EXOC2: variants seen among roughly 807,000 people sequenced by gnomAD.
EXOC2 encodes SEC5-like 1.
A neutral mutation model predicts 131.8 loss-of-function variants in EXOC2; 70 were observed. That is an observed-to-expected ratio of 0.53 (90% confidence interval 0.44 to 0.65). The LOEUF (loss-of-function observed/expected upper bound fraction) is 0.65, where lower values mean the gene tolerates loss of function less well. EXOC2 is among the 30% of genes least tolerant of loss of function. The pLI, the probability that EXOC2 is intolerant of heterozygous loss-of-function variation, is 0.00. For missense variants in EXOC2, 923 were observed against 1,108.6 expected, an observed-to-expected ratio of 0.83 and a Z score of 2.38; for synonymous variants, 411 against 398.4, an observed-to-expected ratio of 1.03 and a Z score of -0.38.
At chr6:503,525 G>A (rs1046542365) in intron 23 of EXOC2, among the ~76,000 whole-genome samples, 1 of 152,190 alleles carries the variant, frequency 6.6e-6, no homozygotes, top group African/African-American at 2.4e-5. Context: ...GCATTTGCAA[G>A]CCTGTATCAA....
intron 10 of EXOC2, among the ~76,000 whole-genome samples, chr6:593,376 C>G (rs1283554250): frequency 2.6e-5 from 4 of 152,112 alleles, no homozygotes; most frequent in Non-Finnish European, 4.4e-5. Context: ...GAGGGCTAAC[C>G]GAACTGTGAA....
chr6:507,034 CCA>C (rs774156290), intron 23 of EXOC2, among the ~76,000 whole-genome samples: 5 of 147,938 alleles, frequency 3.4e-5, no homozygotes, highest in African/African-American at 5.0e-5. Context: ...ACAGCAGTGA[CCA>C]CACACACACA....
intron 11 of EXOC2, among the ~76,000 whole-genome samples, chr6:583,297 C>T (rs1317328366): frequency 6.6e-6 from 1 of 152,094 alleles, no homozygotes; most frequent in Non-Finnish European, 1.5e-5. Flanking sequence ...AGGATGGGGA[C>T]AAGTTTAGAC....
intron 1 of EXOC2, chr6:656,424 T>C: frequency 6.8e-6 from 11 of 1,613,986 alleles, no homozygotes; most frequent in Non-Finnish European, 8.5e-6. Context: ...ACTGCCCACG[T>C]TCGCCATCCT....
chr6:636,192 G>A (rs1342308112), intron 2 of EXOC2, among the ~76,000 whole-genome samples: 4 of 152,250 alleles, frequency 2.6e-5, no homozygotes, highest in Non-Finnish European at 5.9e-5. Flanking sequence ...CACAATGACT[G>A]CCAGCGAAAA....
rs1383163811 is a variant in EXOC2 at position 608,626 on chromosome 6, G to A, written c.742+1472C>T. On this transcript the variant is annotated intron_variant, in intron 7 of 27. Coordinates refer to ENST00000230449, the MANE Select transcript of EXOC2 (RefSeq NM_018303.6). ...TTTAATACCCCAAGTCCCAAGGGAC[G>A]ATTTCTCAAACTACTGCTTCAAAGA... is the stretch of plus-strand genomic sequence containing the variant. Among the ~76,000 whole-genome samples the A allele has an allele frequency of 2.0e-5, 3 of 152,064 alleles. No individual in the cohort carries two copies. The East Asian group carries it at 5.8e-4, about 29-fold the overall frequency.
chr6:511,200 C>T lies in EXOC2; in HGVS notation c.2381-11500G>A, dbSNP rs1048573970. ...GATGGTGCAAAATGCCAGGCAGTGC[C>T]GTGCCTGCTGCTGAGCGGGTCCCGC... is the stretch of plus-strand genomic sequence containing the variant. On this transcript the variant is annotated intron_variant, in intron 23 of 27. Coordinates refer to ENST00000230449, the MANE Select transcript of EXOC2 (RefSeq NM_018303.6). 9.2e-5 allele frequency among the ~76,000 whole-genome samples: 14 copies of T among 152,306 alleles called. No individual in the cohort carries two copies. In the East Asian group the frequency reaches 2.1e-3, roughly 23 times the overall value.
intron 25 of EXOC2, among the ~76,000 whole-genome samples, chr6:494,819 T>A (rs1763622257): frequency 6.6e-6 from 1 of 152,182 alleles, no homozygotes; most frequent in Non-Finnish European, 1.5e-5. Flanking sequence ...TATATTAGTT[T>A]ATTTACTGTA....
Position 637,678 on chromosome 6 carries a change from C to T in EXOC2, c.118+23G>A, listed in dbSNP as rs148466151. 7.2e-5 allele frequency: 112 copies of T among 1,564,366 alleles called. 1 individual carries two copies. In the African/African-American group the frequency reaches 9.2e-4, roughly 13 times the overall value. On this transcript the variant is annotated intron_variant, in intron 2 of 27. Coordinates refer to ENST00000230449, the MANE Select transcript of EXOC2 (RefSeq NM_018303.6). ...ACATAAAAATCCGATTAGCAGGGTG[C>T]GTCGCAGGGCCTCTGCCCTTACCTA...
At chr6:544,866 G>C (rs9392639) in intron 22 of EXOC2, among the ~76,000 whole-genome samples, 1 of 152,172 alleles carries the variant, frequency 6.6e-6, no homozygotes, top group South Asian at 2.1e-4. Flanking sequence ...TAAAACTTCA[G>C]GCCGGGCGCG....
intron 23 of EXOC2, among the ~76,000 whole-genome samples, chr6:507,356 CCCCA>C (rs1764624279): frequency 1.4e-5 from 1 of 70,868 alleles, no homozygotes; most frequent in East Asian, 1.2e-3. Flanking sequence ...ACAGCAGTGA[CCCCA>C]CACACACACA....
intron 7 of EXOC2, among the ~76,000 whole-genome samples, chr6:608,585 A>T (rs1476135186): frequency 6.6e-6 from 1 of 152,226 alleles, no homozygotes; most frequent in African/African-American, 2.4e-5. Flanking sequence ...AAAGGAATAT[A>T]TGGAAAAAGG....
At chr6:656,498 G>T in intron 1 of EXOC2, 1 of 1,606,976 alleles carries the variant, frequency 6.2e-7, no homozygotes, top group Non-Finnish European at 8.5e-7. Flanking sequence ...AGGCGCGCAG[G>T]CTGGGCGGCA....
At chr6:498,425 A>G (rs919080925) in intron 24 of EXOC2, among the ~76,000 whole-genome samples, 5 of 152,234 alleles carry the variant, frequency 3.3e-5, no homozygotes, top group Non-Finnish European at 7.3e-5. Context: ...CTCAAATTCT[A>G]TAGGATGCTA....
Position 503,500 on chromosome 6 carries a change from G to C in EXOC2, c.2381-3800C>G, listed in dbSNP as rs138066450. 1.3e-4 allele frequency among the ~76,000 whole-genome samples: 20 copies of C among 152,214 alleles called. 1 individual carries two copies. The South Asian group carries it at 1.9e-3, about 14-fold the overall frequency. ...ATTACGCATTTGCCCTGATGATGTG[G>C]TATTTATTTATTACGCATTTGCAAG... is the stretch of plus-strand genomic sequence containing the variant. On this transcript the variant is annotated intron_variant, in intron 23 of 27. Transcript: ENST00000230449.
At chr6:546,164 G>A (rs982063171) in intron 22 of EXOC2, among the ~76,000 whole-genome samples, 30 of 150,934 alleles carry the variant, frequency 2.0e-4, no homozygotes, top group African/African-American at 6.6e-4. Flanking sequence ...TAAGAATAAC[G>A]GTTGGATCTT....
intron 27 of EXOC2, among the ~76,000 whole-genome samples, chr6:488,074 ACTGT>A (rs1393109245): frequency 6.6e-6 from 1 of 152,244 alleles, no homozygotes; most frequent in Non-Finnish European, 1.5e-5. Flanking sequence ...TTGTGCAGGC[ACTGT>A]CTGCACAGCT....
rs745376558 is a variant in EXOC2 at position 549,280 on chromosome 6, A to C, written c.2133T>G (p.Leu711=). Residue 711 remains leucine (L), a synonymous_variant, in exon 22 of 28, where the codon CTT becomes CTG. Coordinates refer to ENST00000230449, the MANE Select transcript of EXOC2 (RefSeq NM_018303.6). ...EDFSLTSEQR[L]LIVLSNCCYL... ...AGCAGCAATTACTTAGGACTATCAA[A>C]AGGCGCTGTTCCTAAAAGCAAAACA... The C allele has an allele frequency of 1.2e-5, 20 of 1,613,592 alleles. No individual in the cohort carries two copies. In the South Asian group the frequency reaches 1.6e-4, roughly 13 times the overall value.
intron 23 of EXOC2, among the ~76,000 whole-genome samples, chr6:526,997 TATATATGCA>T (rs1257779775): frequency 6.6e-6 from 1 of 152,224 alleles, no homozygotes; most frequent in Non-Finnish European, 1.5e-5. Flanking sequence ...TTGCACATGG[TATATATGCA>T]ATAAATGCTG....
Sources: gnomAD v4.1 joint callset for allele counts (sites outside exome capture counted in the v4.1 genomes callset) on GRCh38, gnomAD v4.1.1 for gene constraint, MANE v1.5 for transcripts, NCBI Gene and HGNC (gene_info 2026-07-23, HGNC 2026-07-21) for gene names.